The following CD8B variants were observed in gnomAD, a reference collection of about 807,000 sequenced individuals.
CD8B encodes the protein CD8 subunit beta.
In CD8B, 6 loss-of-function variants were observed where a neutral mutation model predicts 24.2. The ratio of observed to expected loss-of-function variants is 0.25; its 90% CI spans 0.14 to 0.49. The LOEUF is 0.49. Among genes scored for constraint, CD8B ranks in the 20% least tolerant of loss-of-function variants. CD8B has a pLI of 0.98. For synonymous variants in CD8B, 84 were observed against 108.3 expected, an observed-to-expected ratio of 0.78 and a Z score of 1.39; for missense variants, 196 against 271.3, an observed-to-expected ratio of 0.72 and a Z score of 1.95.
chr2:86,816,873 G>A (rs1451175282), intron 5 of CD8B, among the ~76,000 whole-genome samples: 1 of 152,198 alleles, frequency 6.6e-6, no homozygotes, highest in Non-Finnish European at 1.5e-5. Context: ...TTTGTTTAAA[G>A]TATGCAGGGC....
chr2:86,836,314 C>T (rs71259938), downstream of CD8B, among the ~76,000 whole-genome samples: 18 of 152,260 alleles, frequency 1.2e-4, 1 homozygote, highest in African/African-American at 2.2e-4. Flanking sequence ...AGAGGACCCC[C>T]ACAGGCCTCG....
chr2:86,822,248 G>A, intron 5 of CD8B: 8 of 776,500 alleles, frequency 1.0e-5, no homozygotes, highest in Admixed American at 2.6e-5. Context: ...AAAAAAAAAA[G>A]ATGATATCTG....
intron 1 of CD8B, among the ~76,000 whole-genome samples, chr2:86,858,850 A>G (rs565823977): frequency 2.6e-5 from 4 of 151,780 alleles, no homozygotes; most frequent in South Asian, 2.1e-4. Context: ...GGCTCAATCT[A>G]TCTTCCCACC....
downstream of CD8B, among the ~76,000 whole-genome samples, chr2:86,837,538 C>A (rs575851725): frequency 1.3e-5 from 2 of 152,026 alleles, no homozygotes; most frequent in South Asian, 4.2e-4. Flanking sequence ...TTTTGGAAGG[C>A]CTCTGAAGAC....
intron 2 of CD8B, among the ~76,000 whole-genome samples, chr2:86,854,150 G>A (rs1676115810): frequency 6.6e-6 from 1 of 151,940 alleles, no homozygotes; most frequent in Non-Finnish European, 1.5e-5. Context: ...CTCCTTCTTG[G>A]GATTATCTGA....
Position 86,842,711 on chromosome 2 carries a change from G to A in CD8B, c.621-392C>T, listed in dbSNP as rs559967301. ...GCAACTCAGATCTGTGAGCACCACA[G>A]GCTATTTCCTCCATGCCTGGATCAT... On this transcript the variant is annotated intron_variant, in intron 5 of 5. Transcript: ENST00000390655. Among the ~76,000 whole-genome samples, 149 of 152,314 alleles carry A rather than the reference G, an allele frequency of 9.8e-4. 1 individual carries two copies. Among genetic ancestry groups the A allele is most frequent in the Non-Finnish European group, 1.6e-3 (109 of 68,028 alleles).
chr2:86,849,176 G>A (rs964921962), intron 3 of CD8B, among the ~76,000 whole-genome samples: 8 of 152,302 alleles, frequency 5.3e-5, no homozygotes, highest in Non-Finnish European at 1.5e-5. Context: ...TCCCACCTCA[G>A]CTGCATGAGG....
chr2:86,850,391 C>T (rs1264039186), intron 3 of CD8B, among the ~76,000 whole-genome samples: 1 of 152,120 alleles, frequency 6.6e-6, no homozygotes, highest in African/African-American at 2.4e-5. Flanking sequence ...AGGGGCAGTG[C>T]CTTCTCAGTG....
In CD8B at chr2:86,861,841, A is replaced by G. The variant is rs62146888; in HGVS notation, c.25T>C (p.Leu9=). ...GCCTTACCTGTCAGCTGCGCGGCCA[A>G]GAGGAGCCACAGCCGCGGCCGCATC... The part of the protein sequence containing the change: MRPRLWLL[L]AAQLTVLHGN... The change falls in exon 1 of 6, where the codon TTG becomes CTG. Residue 9 remains leucine (L), a synonymous_variant. Transcript: ENST00000390655. The G allele has an allele frequency of 0.46, 590,856 of 1,277,996 alleles. 139,462 individuals carry two copies. The highest frequency in any genetic ancestry group is 0.62 in the African/African-American group (39,732 of 64,582). 79.2% of individuals were successfully genotyped at this position (1,277,996 alleles called of 1,614,324 possible). A position where few individuals can be genotyped will look rare whatever the true frequency, so the allele number is the denominator to read the frequency against.
intron 1 of CD8B, 149 bp downstream of exon 1, chr2:86,861,674 G>T (rs375492079): frequency 4.2e-6 from 2 of 474,858 alleles, no homozygotes; most frequent in African/African-American, 4.0e-5. Flanking sequence ...CTTAGGGACC[G>T]TGCCTGCCAA....
chr2:86,840,611 G>A lies in CD8B; in HGVS notation c.*1696C>T, dbSNP rs1675374122. 6.6e-6 allele frequency among the ~76,000 whole-genome samples: 1 copy of A among 152,166 alleles called. No homozygotes were observed. The highest frequency in any genetic ancestry group is 2.4e-5 in the African/African-American group (1 of 41,430). ...AAAACCCAGAAAACTTTGCAATTGG[G>A]CCCATGGGCTATCTGCTTAGGGTCC... On this transcript the variant is annotated 3_prime_UTR_variant, in exon 6 of 6. Coordinates refer to ENST00000390655, the MANE Select transcript of CD8B (RefSeq NM_004931.5).
intron 5 of CD8B, among the ~76,000 whole-genome samples, chr2:86,824,146 G>A (rs1674586871): frequency 2.0e-5 from 3 of 151,230 alleles, no homozygotes; most frequent in African/African-American, 7.3e-5. Flanking sequence ...GCCCTGGGCT[G>A]TGGCTGATTG....
rs1310121015 is a variant in CD8B, at chr2:86,858,476, G to A, written c.44-60C>T. Reference sequence around the variant, plus strand: ...TTCCTAGCCACAGCTGTGGGACCTTGCAGTCACACTGAGTCAAGTGTCAAA... The same window carrying A: ...TTCCTAGCCACAGCTGTGGGACCTTACAGTCACACTGAGTCAAGTGTCAAA... On this transcript the variant is annotated intron_variant, in intron 1 of 5. Coordinates refer to ENST00000390655, the MANE Select transcript of CD8B (RefSeq NM_004931.5). 9 of 1,514,020 alleles carry A rather than the reference G, an allele frequency of 5.9e-6. No individual in the cohort carries two copies. The African/African-American group carries it at 7.3e-5, about 12-fold the overall frequency. 93.8% of individuals were successfully genotyped at this position (1,514,020 alleles called of 1,614,324 possible).
chr2:86,857,434 C>A (rs142188243), intron 2 of CD8B, among the ~76,000 whole-genome samples: 47 of 152,260 alleles, frequency 3.1e-4, no homozygotes, highest in Non-Finnish European at 5.9e-4. Flanking sequence ...AAGAATAATG[C>A]CTGGCCAGGC....
chr2:86,859,253 A>T (rs1676449950), intron 1 of CD8B, among the ~76,000 whole-genome samples: 1 of 151,954 alleles, frequency 6.6e-6, no homozygotes, highest in African/African-American at 2.4e-5. Flanking sequence ...CTGGATCCCT[A>T]TTCCCCAGTG....
chr2:86,855,660 AG>A (rs1676199480), intron 2 of CD8B, among the ~76,000 whole-genome samples: 1 of 152,236 alleles, frequency 6.6e-6, no homozygotes, highest in African/African-American at 2.4e-5. Context: ...TGTCATCAGC[AG>A]GGTCGGAGAG....
intron 5 of CD8B, among the ~76,000 whole-genome samples, chr2:86,832,080 G>A (rs938868310): frequency 6.6e-6 from 1 of 152,192 alleles, no homozygotes; most frequent in Admixed American, 6.5e-5. Flanking sequence ...TTCACACCAC[G>A]CAGCCACAGC....
chr2:86,857,338 A>G (rs1676316355), intron 2 of CD8B, among the ~76,000 whole-genome samples: 1 of 152,124 alleles, frequency 6.6e-6, no homozygotes, highest in African/African-American at 2.4e-5. Context: ...ACACCACTAT[A>G]AGGCCAAGGG....
intron 4 of CD8B, among the ~76,000 whole-genome samples, chr2:86,846,181 A>C (rs536539639): frequency 6.6e-6 from 1 of 152,334 alleles, no homozygotes; most frequent in South Asian, 2.1e-4. Flanking sequence ...GGCTGGGAGC[A>C]GCAGTCATTT....
Sources: gnomAD v4.1 joint callset for allele counts (sites outside exome capture counted in the v4.1 genomes callset) on GRCh38, gnomAD v4.1.1 for gene constraint, MANE v1.5 for transcripts, NCBI Gene and HGNC (gene_info 2026-07-23, HGNC 2026-07-21) for gene names.